RIT2: variants seen among roughly 807,000 people sequenced by gnomAD.
RIT2 encodes the protein GTP-binding protein Rit2.
A neutral mutation model predicts 23.7 loss-of-function variants in RIT2; 24 were observed. The ratio of observed to expected loss-of-function variants is 1.01; its 90% CI spans 0.73 to 1.43. The LOEUF is 1.43. Ranked by LOEUF, RIT2 falls within the 40% of genes most tolerant of loss-of-function variation. The pLI, the probability that RIT2 is intolerant of heterozygous loss-of-function variation, is 0.00. For synonymous variants in RIT2, 107 were observed against 91.1 expected (o/e 1.17, Z -0.99); for missense variants, 236 against 266.9 (o/e 0.88, Z 0.81).
chr18:43,103,293 A>C (rs920437726), intron 1 of RIT2, among the ~76,000 whole-genome samples: 1 of 152,218 alleles, frequency 6.6e-6, no homozygotes, highest in African/African-American at 2.4e-5. Flanking sequence ...AAGATGAAAA[A>C]GGGTATTATG....
intron 4 of RIT2, among the ~76,000 whole-genome samples, chr18:42,837,532 T>C (rs1906650884): frequency 6.6e-6 from 1 of 152,122 alleles, no homozygotes; most frequent in Non-Finnish European, 1.5e-5. Context: ...ATATGCAGTT[T>C]ATGGGCTGGC....
At chr18:42,820,408 C>T (rs912881771) in intron 4 of RIT2, among the ~76,000 whole-genome samples, 6 of 152,070 alleles carry the variant, frequency 3.9e-5, no homozygotes, top group Non-Finnish European at 1.5e-5. Context: ...TCATTCATCT[C>T]TTTACATTTA....
At chr18:42,772,187 C>T (rs547771544) in intron 4 of RIT2, among the ~76,000 whole-genome samples, 1 of 152,170 alleles carries the variant, frequency 6.6e-6, no homozygotes, top group South Asian at 2.1e-4. Flanking sequence ...CTTCTGACAC[C>T]ACATCAATGC....
In RIT2 at chr18:42,785,570, G is replaced by C. The variant is rs574186173; in HGVS notation, c.427-41850C>G. Reference sequence around the variant, plus strand: ...TTATTGTGTAAAATAAGGTAACTGAGAGTGACCCAAATTTTAAGCAGTACC... The same window carrying C: ...TTATTGTGTAAAATAAGGTAACTGACAGTGACCCAAATTTTAAGCAGTACC... On this transcript the variant is annotated intron_variant, in intron 4 of 4. Transcript: ENST00000326695. Among the ~76,000 whole-genome samples the C allele has an allele frequency of 2.5e-4, 38 of 152,068 alleles. No individual in the cohort carries two copies. In the South Asian group the frequency reaches 7.7e-3, roughly 31 times the overall value.
chr18:42,769,922 T>G (rs1409752066), intron 4 of RIT2, among the ~76,000 whole-genome samples: 1 of 151,212 alleles, frequency 6.6e-6, no homozygotes, highest in Non-Finnish European at 1.5e-5. Flanking sequence ...AATGGGAGAA[T>G]GAGTGAACCT....
At chr18:42,830,808 C>T (rs747848195) in intron 4 of RIT2, among the ~76,000 whole-genome samples, 1 of 152,052 alleles carries the variant, frequency 6.6e-6, no homozygotes, top group East Asian at 1.9e-4. Flanking sequence ...ATAATAAGTG[C>T]TTTTTGGTGA....
chr18:43,052,917 AT>A (rs1217451038), intron 1 of RIT2, among the ~76,000 whole-genome samples: 3 of 151,982 alleles, frequency 2.0e-5, no homozygotes, highest in Admixed American at 1.3e-4. Context: ...CACATTGCAT[AT>A]TTTTTTCAAG....
At chr18:43,059,409 G>A (rs1477357146) in intron 1 of RIT2, among the ~76,000 whole-genome samples, 1 of 151,998 alleles carries the variant, frequency 6.6e-6, no homozygotes, top group African/African-American at 2.4e-5. Context: ...CAAATTACAG[G>A]GATTTTACAC....
chr18:42,930,476 G>A (rs1422678385), intron 3 of RIT2, among the ~76,000 whole-genome samples: 1 of 152,018 alleles, frequency 6.6e-6, no homozygotes, highest in Non-Finnish European at 1.5e-5. Context: ...TGAGATGGTC[G>A]AAGTCCTAGA....
chr18:43,026,634 A>AGAG lies in RIT2; in HGVS notation c.160+7176_160+7177insCTC, dbSNP rs1568059944. 1.6e-3 allele frequency among the ~76,000 whole-genome samples: 158 copies of AGAG among 100,360 alleles called. 3 individuals carry two copies. The highest frequency in any genetic ancestry group is 0.012 in the South Asian group (34 of 2,884). The allele number at this position is 100,360 out of a possible 152,430, so 65.8% of individuals were successfully genotyped here. A position where few individuals can be genotyped will look rare whatever the true frequency, so the allele number is the denominator to read the frequency against. ...AAAGAAAGAAAGAAAGAAAGAAAGA[A>AGAG]AGAGAGAAAGAAGGAAAGGCTGTAG... On this transcript the variant is annotated intron_variant, in intron 2 of 4. Transcript: ENST00000326695.
chr18:43,089,793 A>G (rs1251115706), intron 1 of RIT2, among the ~76,000 whole-genome samples: 1 of 152,056 alleles, frequency 6.6e-6, no homozygotes, highest in African/African-American at 2.4e-5. Flanking sequence ...TAAGGGAAGG[A>G]TTCCCTACTC....
At chr18:42,752,858 A>G (rs1913078151) in intron 4 of RIT2, among the ~76,000 whole-genome samples, 1 of 152,154 alleles carries the variant, frequency 6.6e-6, no homozygotes, top group Non-Finnish European at 1.5e-5. Flanking sequence ...CAAAGAAGGA[A>G]CGTTTTTGAT....
chr18:42,874,337 T>C (rs1001239256), intron 4 of RIT2, among the ~76,000 whole-genome samples: 1 of 152,168 alleles, frequency 6.6e-6, no homozygotes, highest in Non-Finnish European at 1.5e-5. Context: ...TTGAGGTCTA[T>C]GTAAAAGAAG....
chr18:43,105,358 C>G (rs1035386228), intron 1 of RIT2, among the ~76,000 whole-genome samples: 4 of 149,702 alleles, frequency 2.7e-5, no homozygotes, highest in Non-Finnish European at 5.9e-5. Context: ...ATTGTATTTT[C>G]CTAGGACCTA....
At chr18:43,084,275 A>C (rs758428818) in intron 1 of RIT2, among the ~76,000 whole-genome samples, 19 of 152,176 alleles carry the variant, frequency 1.2e-4, no homozygotes, top group Non-Finnish European at 2.6e-4. Context: ...AAACACTTTT[A>C]CACTGTCAGT....
At chr18:42,991,585 T>C (rs563172935) in intron 2 of RIT2, among the ~76,000 whole-genome samples, 1 of 152,076 alleles carries the variant, frequency 6.6e-6, no homozygotes, top group South Asian at 2.1e-4. Context: ...CCTTAACTGA[T>C]GACATTCCAC....
chr18:42,840,476 G>A (rs1176321284), intron 4 of RIT2, among the ~76,000 whole-genome samples: 7 of 152,098 alleles, frequency 4.6e-5, no homozygotes, highest in African/African-American at 1.2e-4. Context: ...AAGAACTGCC[G>A]TAAGAGTTTG....
intron 4 of RIT2, among the ~76,000 whole-genome samples, chr18:42,765,958 C>T (rs1395433269): frequency 6.6e-6 from 1 of 152,038 alleles, no homozygotes; most frequent in East Asian, 1.9e-4. Flanking sequence ...CTCTTGCCAC[C>T]ACCACGTAAG....
chr18:42,999,907 A>C (rs1911065589), intron 2 of RIT2, among the ~76,000 whole-genome samples: 1 of 152,084 alleles, frequency 6.6e-6, no homozygotes, highest in African/African-American at 2.4e-5. Flanking sequence ...AACATTTGTA[A>C]AGAAAGAATG....
Sources: allele counts gnomAD v4.1 joint callset (sites outside exome capture counted in the v4.1 genomes callset), GRCh38; gene constraint gnomAD v4.1.1; transcripts MANE v1.5; gene names NCBI Gene and HGNC (gene_info 2026-07-23, HGNC 2026-07-21).